ZNF536: variants seen among roughly 807,000 people sequenced by gnomAD.
ZNF536 encodes the protein zinc finger protein 536.
Under a neutral mutation model 84.5 loss-of-function variants are expected in ZNF536, and 13 were observed. That is an observed-to-expected ratio of 0.15 (90% CI 0.10 to 0.24). ZNF536 has a LOEUF of 0.24. Ranked by LOEUF, ZNF536 falls within the 10% of genes least tolerant of loss-of-function variation. The pLI is 1.00. For missense variants in ZNF536, 1,536 were observed against 1,747.5 expected (o/e 0.88, Z 2.16); for synonymous variants, 811 against 742.5 (o/e 1.09, Z -1.50).
intron 1 of ZNF536, among the ~76,000 whole-genome samples, chr19:30,242,240 G>A (rs1433310518): frequency 6.6e-6 from 1 of 152,120 alleles, no homozygotes; most frequent in Non-Finnish European, 1.5e-5. Flanking sequence ...CAGGCCCTCA[G>A]AGAAGTGAGA....
chr19:30,665,169 C>T (rs951936312), intron 1 of ZNF536: 1 of 152,112 alleles, frequency 6.6e-6, no homozygotes, highest in African/African-American at 2.4e-5. Flanking sequence ...CATGGTGAAA[C>T]CCTGACTCTA....
chr19:30,601,755 G>C (rs567511377), intron 1 of ZNF536, among the ~76,000 whole-genome samples: 43 of 152,290 alleles, frequency 2.8e-4, no homozygotes, highest in African/African-American at 9.6e-4. Flanking sequence ...TCCTGGGCAA[G>C]GGTCTGGGAC....
intron 2 of ZNF536, among the ~76,000 whole-genome samples, chr19:30,326,363 G>C (rs539091723): frequency 1.3e-5 from 2 of 152,344 alleles, no homozygotes; most frequent in African/African-American, 4.8e-5. Flanking sequence ...GAGCAGTGCA[G>C]GGAGAAAAGG....
chr19:30,324,565 A>T (rs1355893440), intron 2 of ZNF536, among the ~76,000 whole-genome samples: 2 of 152,066 alleles, frequency 1.3e-5, no homozygotes, highest in Admixed American at 6.6e-5. Flanking sequence ...ATTTTTTAAA[A>T]TTTTTTTGTA....
At chr19:30,280,364 C>T (rs966442890) in intron 1 of ZNF536, among the ~76,000 whole-genome samples, 2 of 152,094 alleles carry the variant, frequency 1.3e-5, no homozygotes, top group Admixed American at 6.6e-5. Context: ...CCCATCCTCC[C>T]GTCTGTTCTC....
intron 4 of ZNF536, among the ~76,000 whole-genome samples, chr19:30,551,936 T>C (rs1474803371): frequency 6.6e-6 from 1 of 152,186 alleles, no homozygotes; most frequent in East Asian, 1.9e-4. Flanking sequence ...GTCCTCTTCT[T>C]ATTTTCTTGC....
At chr19:30,482,928 C>T (rs1035547177) in intron 2 of ZNF536, among the ~76,000 whole-genome samples, 3 of 152,156 alleles carry the variant, frequency 2.0e-5, no homozygotes, top group Non-Finnish European at 2.9e-5. Flanking sequence ...TGGGTCCACC[C>T]CTTGCTTGGT....
At chr19:30,657,127 T>C (rs2049942903) in intron 1 of ZNF536, among the ~76,000 whole-genome samples, 1 of 152,114 alleles carries the variant, frequency 6.6e-6, no homozygotes, top group South Asian at 2.1e-4. Context: ...CAGTGGTATG[T>C]CTTGACCACA....
intron 2 of ZNF536, among the ~76,000 whole-genome samples, chr19:30,534,209 T>C (rs1284307011): frequency 6.6e-6 from 1 of 152,254 alleles, no homozygotes; most frequent in Non-Finnish European, 1.5e-5. Flanking sequence ...TCTCTGCATA[T>C]GACTTTGAAT....
At chr19:30,584,690 A>G (rs1369095232) in intron 1 of ZNF536, among the ~76,000 whole-genome samples, 5 of 152,120 alleles carry the variant, frequency 3.3e-5, no homozygotes, top group Non-Finnish European at 7.3e-5. Flanking sequence ...TCCCTGATTC[A>G]TCATCATTTC....
At chr19:30,537,808 A>C (rs891794076) in intron 3 of ZNF536, among the ~76,000 whole-genome samples, 1 of 152,228 alleles carries the variant, frequency 6.6e-6, no homozygotes, top group Admixed American at 6.5e-5. Flanking sequence ...GGCATTCTGG[A>C]AACTTCCTAG....
chr19:30,437,811 G>A (rs1485119362), intron 1 of ZNF536, among the ~76,000 whole-genome samples: 1 of 152,218 alleles, frequency 6.6e-6, no homozygotes, highest in Non-Finnish European at 1.5e-5. Context: ...GGCTGCCTTT[G>A]CAGAGTTAGG....
intron 2 of ZNF536, among the ~76,000 whole-genome samples, chr19:30,458,511 G>T (rs1012994557): frequency 1.4e-5 from 2 of 144,942 alleles, no homozygotes; most frequent in African/African-American, 5.3e-5. Context: ...GAGTGCAGTG[G>T]CGTGATCTCC....
rs1369505835 is a variant in ZNF536 at position 30,439,955 on chromosome 19, C to CTTTTTT, written c.-2-3603_-2-3602insTTTTTT. ...TTCTTTCTTTCTTTTCTTTTTCTTT[C>CTTTTTT]TTTCTTTTTTTTTTTTTTTTTTTTT... On this transcript the variant is annotated intron_variant, in intron 1 of 4. Transcript: ENST00000355537. Among the ~76,000 whole-genome samples the CTTTTTT allele has an allele frequency of 6.9e-4, 92 of 133,012 alleles. 2 individuals are homozygous for CTTTTTT. Among genetic ancestry groups the CTTTTTT allele is most frequent in the African/African-American group, 1.9e-3 (64 of 33,790 alleles). The allele number at this position is 133,012 out of a possible 152,430, so 87.3% of individuals were successfully genotyped here.
chr19:30,357,664 G>A (rs1373244951), intron 3 of ZNF536, among the ~76,000 whole-genome samples: 1 of 152,116 alleles, frequency 6.6e-6, no homozygotes, highest in East Asian at 1.9e-4. Context: ...CAGCACTGGG[G>A]ATCCTGCTCT....
At chr19:30,594,839 A>G (rs1256243966) in intron 1 of ZNF536, among the ~76,000 whole-genome samples, 1 of 152,072 alleles carries the variant, frequency 6.6e-6, no homozygotes, top group Non-Finnish European at 1.5e-5. Context: ...GGAGCAGTGC[A>G]GGAGGACCGG....
At chr19:30,635,993 G>A (rs2049051701) in intron 1 of ZNF536, among the ~76,000 whole-genome samples, 1 of 152,226 alleles carries the variant, frequency 6.6e-6, no homozygotes, top group Non-Finnish European at 1.5e-5. Context: ...AGCTGTGCAA[G>A]GTGCCAGTGG....
chr19:30,549,048 G>T lies in ZNF536; in HGVS notation c.3429G>T (p.Glu1143Asp). ...CTGATGGAAAGGCCCACTCTGAAGA[G>T]GATGTCCCCATCCTGATCCCCGAAA... ...KEPDGKAHSEEDVPILIPETT... is the reference protein window; with the variant it reads ...KEPDGKAHSEDDVPILIPETT... Residue 1143 changes from glutamate (E) to aspartate (D), a missense_variant, in exon 4 of 5, where the codon GAG (glutamate) becomes GAT (aspartate). Physicochemically the swap from Glu to Asp is conservative, Grantham distance 45. Around this residue, in one of 8 missense-constraint regions of ZNF536, gnomAD observed 624 missense variants for 603.1 expected, o/e 1.03. Transcript: ENST00000355537. 6.2e-7 allele frequency: 1 copy of T among 1,614,162 alleles called. No homozygotes were observed. The highest frequency in any genetic ancestry group is 8.5e-7 in the Non-Finnish European group (1 of 1,180,032).
chr19:30,344,918 C>A (rs1216062338), intron 2 of ZNF536, among the ~76,000 whole-genome samples: 1 of 152,200 alleles, frequency 6.6e-6, no homozygotes, highest in African/African-American at 2.4e-5. Context: ...GTGAATGGCA[C>A]ATGAGTCAGC....
Sources: allele counts gnomAD v4.1 joint callset (sites outside exome capture counted in the v4.1 genomes callset), GRCh38; gene constraint gnomAD v4.1.1; regional missense constraint gnomAD v4.1.1; transcripts MANE v1.5; gene names NCBI Gene and HGNC (gene_info 2026-07-23, HGNC 2026-07-21).